Variants in NME7 observed in about 807,000 individuals in gnomAD.
NME7 encodes the protein NME/NM23 family member 7.
NME7 carries 41 observed loss-of-function variants against 49.1 expected under a neutral mutation model. The observed-to-expected ratio is 0.83, with a 90% CI of 0.65 to 1.08. The LOEUF (loss-of-function observed/expected upper bound fraction) is 1.08. Among genes scored for constraint, NME7 ranks in the 50% least tolerant of loss-of-function variants. NME7 has a pLI of 0.00. For synonymous variants in NME7, 139 were observed against 150.6 expected, an observed-to-expected ratio of 0.92 and a Z score of 0.56; for missense variants, 423 against 463.4, an observed-to-expected ratio of 0.91 and a Z score of 0.80.
At chr1:169,326,593 A>G (rs915157030) in intron 1 of NME7, among the ~76,000 whole-genome samples, 1 of 152,232 alleles carries the variant, frequency 6.6e-6, no homozygotes, top group Non-Finnish European at 1.5e-5. Flanking sequence ...GTGCTTGTTC[A>G]GTAGAGCTTT....
chr1:169,323,312 C>G, intron 2 of NME7, 29 bp from the exon 3 acceptor site: 1 of 1,448,590 alleles, frequency 6.9e-7, no homozygotes, highest in Non-Finnish European at 9.1e-7. Flanking sequence ...ATATAACAAA[C>G]AAACAAAAAA....
chr1:169,151,582 C>G (rs75213877), intron 11 of NME7, among the ~76,000 whole-genome samples: 2 of 152,182 alleles, frequency 1.3e-5, no homozygotes, highest in Admixed American at 6.5e-5. Flanking sequence ...TAGTCCCCCC[C>G]AGGCTGTCCA....
At chr1:169,147,339 C>G (rs12145897) in intron 11 of NME7, among the ~76,000 whole-genome samples, 38,010 of 152,034 alleles carry the variant, frequency 0.25, 5,574 homozygotes, top group Non-Finnish European at 0.34. Context: ...ATCATGAACT[C>G]TAAAGAAATA....
rs553492048 is a variant in NME7 at position 169,300,360 on chromosome 1, A to G, written c.441-1597T>C. ...TTGATTTGAAATAATCTATAGCATA[A>G]TAATTTTCTTACATACAAATTTTTT... On this transcript the variant is annotated intron_variant, in intron 5 of 11. Coordinates refer to ENST00000367811, the MANE Select transcript of NME7 (RefSeq NM_013330.5). 5.6e-4 allele frequency among the ~76,000 whole-genome samples: 85 copies of G among 152,278 alleles called. 1 individual carries two copies. In the South Asian group the frequency reaches 7.2e-3, roughly 13 times the overall value.
chr1:169,281,664 G>T lies in NME7; in HGVS notation c.754+5639C>A, dbSNP rs1039773568. On this transcript the variant is annotated intron_variant, in intron 7 of 11. Coordinates refer to ENST00000367811, the MANE Select transcript of NME7 (RefSeq NM_013330.5). ...TTTATTGAGAGTTTTTAGCATGAAG[G>T]GGTGCTGAATTTTATTGAAGGCCTT... is the stretch of plus-strand genomic sequence containing the variant. Among the ~76,000 whole-genome samples the T allele has an allele frequency of 8.5e-5, 13 of 152,098 alleles. 1 individual carries two copies. The highest frequency in any genetic ancestry group is 2.9e-4 in the African/African-American group (12 of 41,418).
intron 3 of NME7, among the ~76,000 whole-genome samples, chr1:169,310,381 A>G (rs1651337994): frequency 2.0e-5 from 3 of 152,134 alleles, no homozygotes; most frequent in Admixed American, 6.6e-5. Context: ...TAGAATCTCC[A>G]TTTCTTAGAA....
At chr1:169,367,143 T>TTA (rs1653898407) in intron 1 of NME7, among the ~76,000 whole-genome samples, 1 of 148,660 alleles carries the variant, frequency 6.7e-6, no homozygotes, top group East Asian at 2.0e-4. Context: ...AATTTCTGTT[T>TTA]AAAAAAAAAA....
chr1:169,228,959 G>T (rs74630892), intron 10 of NME7, among the ~76,000 whole-genome samples: 2,212 of 152,266 alleles, frequency 0.015, 57 homozygotes, highest in African/African-American at 0.05. Flanking sequence ...AAGATATAAA[G>T]GAGGTCCTGC....
intron 5 of NME7, among the ~76,000 whole-genome samples, chr1:169,300,142 T>C (rs10919127): frequency 0.083 from 12,597 of 152,204 alleles, 709 homozygotes; most frequent in Admixed American, 0.19. Context: ...ATCATTCTCA[T>C]TAACAGGCAA....
In NME7 at chr1:169,255,022, GA is replaced by G. The variant is rs535229215; in HGVS notation, c.755-17336del. ...TTTGGAATAGGTGTGGTGTGGTGCT[GA>G]AAAAAATGTATATTCTGTTGATTTG... On this transcript the variant is annotated intron_variant, in intron 7 of 11. Transcript: ENST00000367811. Among the ~76,000 whole-genome samples, 8 of 133,300 alleles carry G rather than the reference GA, an allele frequency of 6.0e-5. 1 individual carries two copies. Among genetic ancestry groups the G allele is most frequent in the Non-Finnish European group, 1.4e-4 (8 of 57,512 alleles). The allele number at this position is 133,300 out of a possible 152,430, so 87.4% of individuals were successfully genotyped here. A position where few individuals can be genotyped will look rare whatever the true frequency, so the allele number is the denominator to read the frequency against.
intron 10 of NME7, among the ~76,000 whole-genome samples, chr1:169,217,466 A>AT (rs1206708740): frequency 6.6e-6 from 1 of 152,224 alleles, no homozygotes; most frequent in Admixed American, 6.5e-5. Context: ...GATATATTAA[A>AT]TTAACTATAT....
chr1:169,132,792 T>TC lies in NME7; in HGVS notation c.1123dup (p.Asp375GlyfsTer2). The TC allele has an allele frequency of 6.2e-7, 1 of 1,613,364 alleles. No individual in the cohort carries two copies. The highest frequency in any genetic ancestry group is 8.5e-7 in the Non-Finnish European group (1 of 1,179,666). ...TCTTTACTTTCCACACCACTAATTA[T>TC]CCAAGATCTTGAAGAAGTATTGAAC... On this transcript the variant is annotated frameshift_variant, in exon 12 of 12. Coordinates refer to ENST00000367811, the MANE Select transcript of NME7 (RefSeq NM_013330.5). LOFTEE classifies it high-confidence loss of function.
intron 1 of NME7, among the ~76,000 whole-genome samples, chr1:169,354,433 AGAGT>A (rs1422393197): frequency 1.3e-5 from 2 of 151,950 alleles, no homozygotes; most frequent in East Asian, 1.9e-4. Flanking sequence ...AAAAATTGAA[AGAGT>A]GAGTAAGACC....
At chr1:169,171,379 G>T (rs1659583947) in intron 10 of NME7, among the ~76,000 whole-genome samples, 1 of 151,276 alleles carries the variant, frequency 6.6e-6, no homozygotes, top group African/African-American at 2.4e-5. Flanking sequence ...CTCAAAAAAA[G>T]AAAATTTTAT....
intron 1 of NME7, among the ~76,000 whole-genome samples, chr1:169,347,274 G>A (rs566841371): frequency 1.3e-5 from 2 of 152,286 alleles, no homozygotes; most frequent in South Asian, 2.1e-4. Flanking sequence ...AATTATTGGG[G>A]TAGTGAGCTA....
intron 11 of NME7, among the ~76,000 whole-genome samples, chr1:169,151,492 A>G (rs960277908): frequency 6.6e-6 from 1 of 152,070 alleles, no homozygotes; most frequent in Admixed American, 6.5e-5. Flanking sequence ...GATTCCAATG[A>G]ATCCAGGGTG....
At chr1:169,367,643 G>A (rs948813558) in intron 1 of NME7, 65 bp downstream of exon 1, 33 of 1,604,904 alleles carry the variant, frequency 2.1e-5, no homozygotes, top group Middle Eastern at 1.7e-4. Flanking sequence ...CCATCCGCCC[G>A]AAGACTTGGA....
At chr1:169,356,898 G>T (rs1653485523) in intron 1 of NME7, among the ~76,000 whole-genome samples, 1 of 152,154 alleles carries the variant, frequency 6.6e-6, no homozygotes, top group African/African-American at 2.4e-5. Flanking sequence ...CTCAGTGAAT[G>T]AAAAATTGCA....
chr1:169,266,224 C>T lies in NME7; in HGVS notation c.754+21079G>A, dbSNP rs1295372062. On this transcript the variant is annotated intron_variant, in intron 7 of 11. Coordinates refer to ENST00000367811, the MANE Select transcript of NME7 (RefSeq NM_013330.5). The stretch of plus-strand genomic sequence containing the variant: ...ATATAAAAATTTTCAACAAAATACT[C>T]GCAAGCCAAATCCAGCAGCACATCA... Among the ~76,000 whole-genome samples, 3 of 133,050 alleles carry T rather than the reference C, an allele frequency of 2.3e-5. 1 individual carries two copies. The highest frequency in any genetic ancestry group is 2.3e-4 in the South Asian group (1 of 4,334). 87.3% of individuals were successfully genotyped at this position (133,050 alleles called of 152,430 possible). A position where few individuals can be genotyped will look rare whatever the true frequency, so the allele number is the denominator to read the frequency against.
Sources: gnomAD v4.1 joint callset for allele counts (sites outside exome capture counted in the v4.1 genomes callset) on GRCh38, gnomAD v4.1.1 for gene constraint, MANE v1.5 for transcripts, NCBI Gene and HGNC (gene_info 2026-07-23, HGNC 2026-07-21) for gene names.